The following RTP5 variants were observed in gnomAD, a reference collection of about 807,000 sequenced individuals.
RTP5 encodes receptor-transporting protein 5.
RTP5 carries 30 observed loss-of-function variants against 23.5 expected under a neutral mutation model. The observed-to-expected ratio is 1.27, with a 90% CI of 0.95 to 1.73. The LOEUF (loss-of-function observed/expected upper bound fraction) is 1.73. RTP5 is among the 40% of genes most tolerant of loss of function. The probability of loss-of-function intolerance (pLI) is 0.00; values close to 1 mark genes in which losing one functional copy is unlikely to be tolerated. For synonymous variants in RTP5, 354 were observed against 342.1 expected (o/e 1.03, Z -0.38); for missense variants, 807 against 784.2 (o/e 1.03, Z -0.35).
intron 1 of RTP5, among the ~76,000 whole-genome samples, chr2:241,870,535 C>G (rs996568924): frequency 1.8e-4 from 28 of 152,270 alleles, no homozygotes; most frequent in African/African-American, 5.1e-4. Flanking sequence ...AGGCTGCTGG[C>G]TGGTCCGTCC....
chr2:241,871,441 G>T (rs967470273), intron 1 of RTP5, among the ~76,000 whole-genome samples: 1 of 152,248 alleles, frequency 6.6e-6, no homozygotes, highest in African/African-American at 2.4e-5. Context: ...TGAGGGGGCT[G>T]CGGGCTAGTG....
Position 241,873,234 on chromosome 2 carries a change from TGTG to T in RTP5, c.1680_1682del (p.Met560_Cys561delinsIle). 8 of 1,597,476 alleles carry T rather than the reference TGTG, an allele frequency of 5.0e-6. No individual in the cohort carries two copies. The East Asian group carries it at 1.4e-4, about 27-fold the overall frequency. ...GTGTGCGTCTTCTGGCTGATGTGCA[TGTG>T]TCGGCTGAACCCCGGGATCTACCCG... is the stretch of plus-strand genomic sequence containing the variant. On this transcript the variant is annotated inframe_deletion, in exon 2 of 2. Coordinates refer to ENST00000343216, the MANE Select transcript of RTP5 (RefSeq NM_173821.3).
In RTP5 at chr2:241,872,816, C is replaced by T. The variant is rs766248308; in HGVS notation, c.1261C>T (p.Leu421Phe). The T allele has an allele frequency of 2.3e-5, 37 of 1,612,276 alleles. No homozygotes were observed. Among genetic ancestry groups the T allele is most frequent in the Non-Finnish European group, 3.0e-5 (35 of 1,179,832 alleles). The change falls in exon 2 of 2, where the codon CTT (leucine) becomes TTT (phenylalanine). Residue 421 changes from leucine to phenylalanine, a missense_variant. Coordinates refer to ENST00000343216, the MANE Select transcript of RTP5 (RefSeq NM_173821.3). Reference protein sequence around the residue: ...GGLPSQVKGSLALPFPADVQG... With the variant: ...GGLPSQVKGSFALPFPADVQG... ...CCTCCCCTCCCAGGTCAAGGGCTCC[C>T]TTGCCCTCCCCTTCCCTGCTGATGT...
rs1001652081 is a variant in RTP5 at position 241,872,743 on chromosome 2, C to T, written c.1188C>T (p.Gly396=). The T allele has an allele frequency of 6.3e-7, 1 of 1,596,512 alleles. No homozygotes were observed. The highest frequency in any genetic ancestry group is 1.3e-5 in the African/African-American group (1 of 74,534). The part of the protein sequence containing the change: ...EGNGKEGGGQ[G]LVPVGHDALP... The stretch of plus-strand genomic sequence containing the variant: ...ACGGGAAGGAAGGAGGCGGCCAGGG[C>T]CTCGTCCCAGTGGGTCACGACGCCC... Residue 396 remains glycine (G), a synonymous_variant, in exon 2 of 2, where the codon GGC becomes GGT. Transcript: ENST00000343216.
rs1701363532 is a variant in RTP5, at chr2:241,873,294, C to CCCTCGCCTCTGGGACCCCG, written c.*32_*50dup. 1.3e-6 allele frequency: 2 copies of CCCTCGCCTCTGGGACCCCG among 1,553,862 alleles called. No individual in the cohort carries two copies. Among genetic ancestry groups the CCCTCGCCTCTGGGACCCCG allele is most frequent in the South Asian group, 1.2e-5 (1 of 84,636 alleles). ...GTGTGACGCCCCGAAGTTCAGGCAA[C>CCCTCGCCTCTGGGACCCCG]CCTCGCCTCTGGGACCCCGCCTCGC... On this transcript the variant is annotated 3_prime_UTR_variant, in exon 2 of 2. Transcript: ENST00000343216.
rs550838265 is a variant in RTP5, at chr2:241,873,396, T to C, written c.*122T>C. On this transcript the variant is annotated 3_prime_UTR_variant, in exon 2 of 2. Coordinates refer to ENST00000343216, the MANE Select transcript of RTP5 (RefSeq NM_173821.3). ...ACCCCGCCTCCACCTCCGAGACCCC[T>C]TTCTCTGAGACCCCCGCCTCTGAGG... 3 of 927,434 alleles carry C rather than the reference T, an allele frequency of 3.2e-6. No individual in the cohort carries two copies. The highest frequency in any genetic ancestry group is 3.4e-5 in the East Asian group (1 of 29,348). The allele number at this position is 927,434 out of a possible 1,614,324, so 57.5% of individuals were successfully genotyped here.
chr2:241,871,420 A>G (rs935472939), intron 1 of RTP5, among the ~76,000 whole-genome samples: 3 of 152,332 alleles, frequency 2.0e-5, no homozygotes, highest in Admixed American at 6.5e-5. Flanking sequence ...TTTGCTTCTC[A>G]GTGCTCCACA....
chr2:241,870,030 G>C, intron 1 of RTP5, 116 bp downstream of exon 1: 1 of 995,872 alleles, frequency 1.0e-6, no homozygotes, highest in Non-Finnish European at 1.4e-6. Context: ...TTGTCCCCGA[G>C]ACGGGAGGGT....
intron 1 of RTP5, chr2:241,870,873 A>C (rs558237379): frequency 3.4e-4 from 159 of 463,132 alleles, no homozygotes; most frequent in African/African-American, 3.0e-3. Context: ...GAACGTGTCC[A>C]CGGGCTCTGT....
intron 1 of RTP5, chr2:241,871,175 A>G (rs1044264583): frequency 2.4e-6 from 1 of 412,372 alleles, no homozygotes; most frequent in Non-Finnish European, 5.0e-6. Flanking sequence ...CTGGCAGGCG[A>G]CCTCCTGGAT....
rs747010391 is a variant in RTP5, at chr2:241,872,949, T to A, written c.1394T>A (p.Ile465Asn). ...CTGGAGGCCAATGCCGAGGGCCCCA[T>A]CACGGTTAGTGAGGGCTGCATCACC... ...APLEANAEGP[I>N]TVSEGCITIP... is the part of the protein sequence containing the mutation. Residue 465 changes from isoleucine to asparagine, a missense_variant, in exon 2 of 2, where the codon ATC (isoleucine) becomes AAC (asparagine). Transcript: ENST00000343216. 6.2e-7 allele frequency: 1 copy of A among 1,612,926 alleles called. No individual in the cohort carries two copies. The highest frequency in any genetic ancestry group is 1.3e-5 in the African/African-American group (1 of 74,948).
rs375834353 is a variant in RTP5, at chr2:241,873,275, C to T, written c.*1C>T. ...CGGGATCTACCCGCAGCAAGTGTGA[C>T]GCCCCGAAGTTCAGGCAACCCTCGC... is the stretch of plus-strand genomic sequence containing the variant. On this transcript the variant is annotated 3_prime_UTR_variant, in exon 2 of 2. Transcript: ENST00000343216. 134 of 1,567,812 alleles carry T rather than the reference C, an allele frequency of 8.5e-5. 1 individual carries two copies. The highest frequency in any genetic ancestry group is 1.9e-4 in the South Asian group (17 of 87,316).
At chr2:241,870,054 CCTT>C (rs1192594856) in intron 1 of RTP5, 140 bp downstream of exon 1, 7 of 872,816 alleles carry the variant, frequency 8.0e-6, no homozygotes, top group Non-Finnish European at 1.1e-5. Flanking sequence ...GCTGGGTGCT[CCTT>C]CTCCCGCCGG....
chr2:241,870,036 A>G, intron 1 of RTP5, 122 bp downstream of exon 1: 2 of 351,442 alleles, frequency 5.7e-6, no homozygotes, highest in Non-Finnish European at 9.5e-6. Flanking sequence ...CCGAGACGGG[A>G]GGGTGGGGCT....
chr2:241,872,214 A>G lies in RTP5; in HGVS notation c.659A>G (p.Glu220Gly), dbSNP rs754394685. Reference protein sequence around the residue: ...GTSNDQVPIAEGPAPPAGASL... With the variant: ...GTSNDQVPIAGGPAPPAGASL... ...AGCAATGACCAGGTGCCCATCGCTG[A>G]GGGCCCTGCCCCCCCTGCGGGGGCC... The change falls in exon 2 of 2, where the codon GAG becomes GGG. Residue 220 changes from glutamate (E) to glycine (G), a missense_variant. Coordinates refer to ENST00000343216, the MANE Select transcript of RTP5 (RefSeq NM_173821.3). The G allele has an allele frequency of 7.4e-6, 12 of 1,610,788 alleles. No homozygotes were observed. In the South Asian group the frequency reaches 1.2e-4, roughly 16 times the overall value.
At position 241,872,350 on chromosome 2, in the gene RTP5, T is replaced by C. The variant is rs1484269669; in HGVS notation, c.795T>C (p.Ile265=). The C allele has an allele frequency of 6.2e-7, 1 of 1,610,280 alleles. No individual in the cohort carries two copies. Among genetic ancestry groups the C allele is most frequent in the Non-Finnish European group, 8.5e-7 (1 of 1,178,932 alleles). ...MPGGKGFPVA[I]GDPLFHGPGL... ...GGGGCAAAGGCTTCCCGGTGGCCAT[T>C]GGAGACCCCCTCTTCCACGGCCCCG... Residue 265 remains isoleucine, a synonymous_variant, in exon 2 of 2, where the codon ATT becomes ATC. Transcript: ENST00000343216.
At chr2:241,870,295 C>G (rs1575408323) in intron 1 of RTP5, among the ~76,000 whole-genome samples, 1 of 152,256 alleles carries the variant, frequency 6.6e-6, no homozygotes, top group East Asian at 1.9e-4. Flanking sequence ...CACCATCCGG[C>G]CCTGTGTTGC....
chr2:241,872,733 G>A lies in RTP5; in HGVS notation c.1178G>A (p.Gly393Asp), dbSNP rs1701350358. 6.3e-7 allele frequency: 1 copy of A among 1,594,910 alleles called. No homozygotes were observed. The highest frequency in any genetic ancestry group is 8.5e-7 in the Non-Finnish European group (1 of 1,170,038). Residue 393 changes from glycine to aspartate, a missense_variant, in exon 2 of 2, where the codon GGC (glycine) becomes GAC (aspartate). By Grantham distance (94) the Gly-to-Asp change is moderately conservative (BLOSUM62 -1). Transcript: ENST00000343216. ...GCTGAAGGCAACGGGAAGGAAGGAG[G>A]CGGCCAGGGCCTCGTCCCAGTGGGT... The part of the protein sequence containing the change: ...EVAEGNGKEG[G>D]GQGLVPVGHD...
chr2:241,872,730 G>A lies in RTP5; in HGVS notation c.1175G>A (p.Gly392Glu). ...AEVAEGNGKE[G>E]GGQGLVPVGH... is the part of the protein sequence containing the mutation. ...GTGGCTGAAGGCAACGGGAAGGAAG[G>A]AGGCGGCCAGGGCCTCGTCCCAGTG... The change falls in exon 2 of 2, where the codon GGA becomes GAA. Residue 392 changes from glycine to glutamate, a missense_variant. Transcript: ENST00000343216. 6.3e-7 allele frequency: 1 copy of A among 1,596,718 alleles called. No homozygotes were observed. Among genetic ancestry groups the A allele is most frequent in the Non-Finnish European group, 8.5e-7 (1 of 1,171,060 alleles).
Sources: gnomAD v4.1 joint callset for allele counts (sites outside exome capture counted in the v4.1 genomes callset) on GRCh38, gnomAD v4.1.1 for gene constraint, MANE v1.5 for transcripts, NCBI Gene and HGNC (gene_info 2026-07-23, HGNC 2026-07-21) for gene names.